The following TBC1D5 variants were observed in gnomAD, a reference collection of about 807,000 sequenced individuals.
TBC1D5 encodes TBC1 domain family member 5.
In TBC1D5, 75 loss-of-function variants were observed where a neutral mutation model predicts 100.3. That is an observed-to-expected ratio of 0.75 (90% CI 0.62 to 0.91). The LOEUF is 0.91. Among genes scored for constraint, TBC1D5 ranks in the 40% least tolerant of loss-of-function variants. The pLI, the probability that TBC1D5 is intolerant of heterozygous loss-of-function variation, is 0.00. For missense variants in TBC1D5, 910 were observed against 942.4 expected, an observed-to-expected ratio of 0.97 and a Z score of 0.45; for synonymous variants, 323 against 325.6, an observed-to-expected ratio of 0.99 and a Z score of 0.09.
intron 1 of TBC1D5, among the ~76,000 whole-genome samples, chr3:17,679,033 T>C (rs894091655): frequency 6.6e-6 from 1 of 150,772 alleles, no homozygotes; most frequent in African/African-American, 2.5e-5. Flanking sequence ...AATAGAGTTA[T>C]TTCAACCTTT....
At chr3:17,603,219 G>C (rs1385640016) in intron 2 of TBC1D5, among the ~76,000 whole-genome samples, 1 of 145,118 alleles carries the variant, frequency 6.9e-6, no homozygotes, top group Non-Finnish European at 1.5e-5. Context: ...GTGGTGATAT[G>C]ATTACAGCTC....
chr3:17,358,264 A>C (rs1056455814), intron 13 of TBC1D5, among the ~76,000 whole-genome samples: 1 of 152,076 alleles, frequency 6.6e-6, no homozygotes, highest in African/African-American at 2.4e-5. Flanking sequence ...GGCTCACCAC[A>C]ACCTCTGCCT....
chr3:17,271,304 C>A (rs553739581), intron 15 of TBC1D5, among the ~76,000 whole-genome samples: 1 of 152,028 alleles, frequency 6.6e-6, no homozygotes, highest in Non-Finnish European at 1.5e-5. Context: ...CAGTGTTTTG[C>A]AGTTCTCCTT....
chr3:17,738,998 C>G (rs7652156), intron 1 of TBC1D5, among the ~76,000 whole-genome samples: 86,936 of 152,034 alleles, frequency 0.57, 25,674 homozygotes, highest in East Asian at 0.99. Flanking sequence ...ACACTGACAT[C>G]CTTCCCAAAT....
At chr3:17,387,789 A>G (rs903433980) in intron 8 of TBC1D5, among the ~76,000 whole-genome samples, 11 of 151,122 alleles carry the variant, frequency 7.3e-5, no homozygotes, top group Non-Finnish European at 1.3e-4. Flanking sequence ...TAACCACACT[A>G]GATGCAACAA....
intron 18 of TBC1D5, among the ~76,000 whole-genome samples, chr3:17,208,912 C>T (rs2072589616): frequency 6.6e-6 from 1 of 152,162 alleles, no homozygotes; most frequent in Admixed American, 6.5e-5. Flanking sequence ...CCAATACATT[C>T]TACTTTGCTG....
At chr3:17,569,602 A>G (rs1323647836) in intron 2 of TBC1D5, among the ~76,000 whole-genome samples, 1 of 151,662 alleles carries the variant, frequency 6.6e-6, no homozygotes, top group African/African-American at 2.4e-5. Context: ...CAGAGCAAAT[A>G]AAAAAACAAG....
At chr3:17,352,016 CCA>C (rs979236525) in intron 13 of TBC1D5, among the ~76,000 whole-genome samples, 8 of 148,124 alleles carry the variant, frequency 5.4e-5, no homozygotes, top group South Asian at 2.1e-4. Context: ...AAAAAAAAAA[CCA>C]CACACACACA....
chr3:17,374,603 AAAAC>A, intron 11 of TBC1D5, 22 bp downstream of exon 11: 1 of 1,610,404 alleles, frequency 6.2e-7, no homozygotes, highest in Non-Finnish European at 8.5e-7. Context: ...ATAAAAAAAT[AAAAC>A]AAAGAAAGTT....
intron 15 of TBC1D5, among the ~76,000 whole-genome samples, chr3:17,266,729 A>C (rs1406964174): frequency 6.6e-6 from 1 of 152,148 alleles, no homozygotes; most frequent in African/African-American, 2.4e-5. Context: ...TGTGACTAAA[A>C]TATTATTTCA....
chr3:17,227,794 T>C (rs1289219280), intron 17 of TBC1D5, among the ~76,000 whole-genome samples: 8 of 151,584 alleles, frequency 5.3e-5, no homozygotes, highest in Non-Finnish European at 1.5e-5. Flanking sequence ...CAAACCCCCA[T>C]GCCACACGTT....
At chr3:17,676,891 A>C (rs1048747276) in intron 1 of TBC1D5, among the ~76,000 whole-genome samples, 1 of 152,252 alleles carries the variant, frequency 6.6e-6, no homozygotes, top group Non-Finnish European at 1.5e-5. Context: ...GACACAAACA[A>C]GAAATGGGGA....
chr3:17,385,094 T>C (rs1487921632), intron 8 of TBC1D5, among the ~76,000 whole-genome samples: 2 of 152,090 alleles, frequency 1.3e-5, no homozygotes, highest in Non-Finnish European at 2.9e-5. Context: ...TATGCAACCC[T>C]GAGTGAATGA....
chr3:17,659,472 T>TA (rs1271524361), intron 1 of TBC1D5, among the ~76,000 whole-genome samples: 1 of 151,988 alleles, frequency 6.6e-6, no homozygotes, highest in East Asian at 1.9e-4. Context: ...TTTTTAATCC[T>TA]AAAAAAGGCA....
intron 13 of TBC1D5, among the ~76,000 whole-genome samples, chr3:17,321,163 G>A (rs1230634714): frequency 6.6e-6 from 1 of 152,156 alleles, no homozygotes; most frequent in Admixed American, 6.5e-5. Context: ...GAACTCCTAG[G>A]CTCAAGCAAT....
intron 2 of TBC1D5, among the ~76,000 whole-genome samples, chr3:17,620,782 A>G (rs576188395): frequency 6.6e-5 from 10 of 152,296 alleles, no homozygotes; most frequent in African/African-American, 2.4e-4. Flanking sequence ...AATTAAATCA[A>G]TAAGGATGTA....
chr3:17,234,879 A>G (rs1348898781), intron 17 of TBC1D5, among the ~76,000 whole-genome samples: 1 of 152,182 alleles, frequency 6.6e-6, no homozygotes, highest in Non-Finnish European at 1.5e-5. Context: ...ATCATCATCA[A>G]TTAACAGTAC....
At chr3:17,631,057 A>C (rs2063466527) in intron 1 of TBC1D5, among the ~76,000 whole-genome samples, 1 of 145,178 alleles carries the variant, frequency 6.9e-6, no homozygotes. Flanking sequence ...AAAAAAAAAA[A>C]AAAAAGTTAG....
At chr3:17,285,284 G>T (rs1477063436) in intron 15 of TBC1D5, among the ~76,000 whole-genome samples, 1 of 131,520 alleles carries the variant, frequency 7.6e-6, no homozygotes, top group South Asian at 2.4e-4. Context: ...TTTTTGAGAC[G>T]GAGTCTCGCT....
Sources: allele counts gnomAD v4.1 joint callset (sites outside exome capture counted in the v4.1 genomes callset), GRCh38; gene constraint gnomAD v4.1.1; transcripts MANE v1.5; gene names NCBI Gene and HGNC (gene_info 2026-07-23, HGNC 2026-07-21).